The following LRP11 variants were observed in gnomAD, a reference collection of about 807,000 sequenced individuals.
LRP11 encodes low-density lipoprotein receptor-related protein 11.
A neutral mutation model predicts 43.1 loss-of-function variants in LRP11; 25 were observed. That is an observed-to-expected ratio of 0.58 (90% CI 0.42 to 0.81). The LOEUF is 0.81. Among genes scored for constraint, LRP11 ranks in the 30% least tolerant of loss-of-function variants. The probability of loss-of-function intolerance (pLI) is 0.00; values close to 1 mark genes in which losing one functional copy is unlikely to be tolerated. For synonymous variants in LRP11, 316 were observed against 299.4 expected, an observed-to-expected ratio of 1.06 and a Z score of -0.57; for missense variants, 623 against 665.1, an observed-to-expected ratio of 0.94 and a Z score of 0.70.
At chr6:149,854,090 G>A (rs1216853051) in intron 1 of LRP11, among the ~76,000 whole-genome samples, 2 of 152,104 alleles carry the variant, frequency 1.3e-5, no homozygotes, top group Admixed American at 6.5e-5. Flanking sequence ...AGGCTCAGAT[G>A]ACTACAACAG....
At position 149,820,605 on chromosome 6, in the gene LRP11, C is replaced by CT. The variant is rs1776265590; in HGVS notation, c.1446dup (p.Ala483SerfsTer7). On this transcript the variant is annotated frameshift_variant, in exon 7 of 7. Transcript: ENST00000239367. LOFTEE classifies it high-confidence loss of function. ...GATTCCTCAGATGTAATGGGACGAG[C>CT]TTTTTTCAGTTTCTGTTTCACCAGT... 1.3e-6 allele frequency: 1 copy of CT among 780,850 alleles called. No homozygotes were observed. Among genetic ancestry groups the CT allele is most frequent in the Non-Finnish European group, 2.4e-6 (1 of 418,120 alleles). The allele number at this position is 780,850 out of a possible 1,614,324, so 48.4% of individuals were successfully genotyped here. A position where few individuals can be genotyped will look rare whatever the true frequency, so the allele number is the denominator to read the frequency against.
intron 2 of LRP11, among the ~76,000 whole-genome samples, chr6:149,843,409 TC>T (rs1283434771): frequency 6.6e-6 from 1 of 152,132 alleles, no homozygotes; most frequent in East Asian, 1.9e-4. Flanking sequence ...ACGCTCAGGA[TC>T]CAGGCCCTGC....
chr6:149,862,944 A>T (rs9371504), intron 1 of LRP11, among the ~76,000 whole-genome samples: 68,247 of 151,822 alleles, frequency 0.45, 16,047 homozygotes, highest in East Asian at 0.88. Context: ...AAGGGACCAG[A>T]AGTTTTCCTC....
chr6:149,860,257 G>A (rs1461297018), intron 1 of LRP11, among the ~76,000 whole-genome samples: 1 of 152,030 alleles, frequency 6.6e-6, no homozygotes, highest in Non-Finnish European at 1.5e-5. Flanking sequence ...AAGGCAAGGG[G>A]CCCACTTCCC....
intron 2 of LRP11, among the ~76,000 whole-genome samples, chr6:149,849,507 A>T (rs949679288): frequency 6.6e-6 from 1 of 152,176 alleles, no homozygotes; most frequent in Non-Finnish European, 1.5e-5. Context: ...CTGTAATTTC[A>T]ACACTTTGGG....
chr6:149,838,746 TA>T (rs1387257720), intron 3 of LRP11, among the ~76,000 whole-genome samples: 4 of 152,056 alleles, frequency 2.6e-5, no homozygotes, highest in Admixed American at 2.6e-4. Flanking sequence ...TAGGAGCTTT[TA>T]ATTTGCAGTG....
rs1455997231 is a variant in LRP11, at chr6:149,863,955, C to T, written c.66G>A (p.Leu22=). The T allele has an allele frequency of 4.2e-6, 6 of 1,437,562 alleles. No individual in the cohort carries two copies. The highest frequency in any genetic ancestry group is 5.4e-6 in the Non-Finnish European group (6 of 1,101,958). The allele number at this position is 1,437,562 out of a possible 1,614,324, so 89.1% of individuals were successfully genotyped here. The change falls in exon 1 of 7, where the codon CTG becomes CTA. Residue 22 remains leucine, a synonymous_variant. Coordinates refer to ENST00000239367, the MANE Select transcript of LRP11 (RefSeq NM_032832.6). The part of the protein sequence containing the change: ...QRRLPPRHGA[L]RGLLLLCLWL... ...ACAGGCAGAGCAGTAGCAGCCCGCG[C>T]AGCGCCCCGTGACGCGGCGGTAGCC...
chr6:149,826,645 T>C (rs1776343195), intron 5 of LRP11, among the ~76,000 whole-genome samples: 2 of 151,972 alleles, frequency 1.3e-5, no homozygotes, highest in Admixed American at 6.6e-5. Context: ...GATCTCAGGC[T>C]AGAAGAGTCA....
chr6:149,863,448 G>C lies in LRP11; in HGVS notation c.573C>G (p.Asp191Glu). 1.2e-5 allele frequency: 16 copies of C among 1,323,608 alleles called. No individual in the cohort carries two copies. Among genetic ancestry groups the C allele is most frequent in the South Asian group, 2.2e-5 (1 of 45,904 alleles). The allele number at this position is 1,323,608 out of a possible 1,614,324, so 82.0% of individuals were successfully genotyped here. A position where few individuals can be genotyped will look rare whatever the true frequency, so the allele number is the denominator to read the frequency against. ...YSSYSLSRAPDGAALATARAS... is the reference protein window; with the variant it reads ...YSSYSLSRAPEGAALATARAS... ...CGCGCGCGGTGGCCAGGGCGGCGCC[G>C]TCCGGCGCGCGGCTGAGGCTGTAGC... Residue 191 changes from aspartate (D) to glutamate (E), a missense_variant, in exon 1 of 7, where the codon GAC becomes GAG. By Grantham distance (45) the Asp-to-Glu change is conservative. Coordinates refer to ENST00000239367, the MANE Select transcript of LRP11 (RefSeq NM_032832.6).
chr6:149,845,750 C>T (rs967309404), intron 2 of LRP11, among the ~76,000 whole-genome samples: 6 of 150,866 alleles, frequency 4.0e-5, no homozygotes, highest in Non-Finnish European at 8.9e-5. Flanking sequence ...TCAGATAAGA[C>T]TTGGGGCTCA....
At position 149,826,343 on chromosome 6, in the gene LRP11, C is replaced by T; in HGVS notation, c.1269G>A (p.Gly423=). Residue 423 remains glycine (G), a synonymous_variant, in exon 6 of 7, where the codon GGG becomes GGA. Coordinates refer to ENST00000239367, the MANE Select transcript of LRP11 (RefSeq NM_032832.6). ...TATAACTTTCCTCTTTTCTGTTCTT[C>T]CCTGAGGAACTACTATCTGCAGAAA... ...IPVMPDSSSS[G]KNRKEESYIF... 6.2e-7 allele frequency: 1 copy of T among 1,612,430 alleles called. No individual in the cohort carries two copies. The highest frequency in any genetic ancestry group is 8.5e-7 in the Non-Finnish European group (1 of 1,178,466).
In LRP11 at chr6:149,832,277, C is replaced by T. The variant is rs374138093; in HGVS notation, c.1252+3808G>A. On this transcript the variant is annotated intron_variant, in intron 5 of 6. Coordinates refer to ENST00000239367, the MANE Select transcript of LRP11 (RefSeq NM_032832.6). Reference sequence around the variant, plus strand: ...CGCAATCTTGGCTCACTGCAACCTCCGCCTCCTGGGTTCAAGTGATTCTCC... The same window carrying T: ...CGCAATCTTGGCTCACTGCAACCTCTGCCTCCTGGGTTCAAGTGATTCTCC... Among the ~76,000 whole-genome samples, 170 of 150,082 alleles carry T rather than the reference C, an allele frequency of 1.1e-3. 1 individual carries two copies. In the South Asian group the frequency reaches 0.034, roughly 30 times the overall value.
At chr6:149,833,140 T>C (rs1218107058) in intron 5 of LRP11, among the ~76,000 whole-genome samples, 1 of 152,160 alleles carries the variant, frequency 6.6e-6, no homozygotes, top group Non-Finnish European at 1.5e-5. Context: ...GGTTTCACCG[T>C]GTTAGCCAGG....
rs1419865807 is a variant in LRP11 at position 149,863,612 on chromosome 6, C to G, written c.409G>C (p.Glu137Gln). ...ACCACGGCCACGGAGCAGCGCGGCTCGGAGCAGCAGGCCGCCACGCATTGC... is the reference window on the plus strand; with the variant it reads ...ACCACGGCCACGGAGCAGCGCGGCTGGGAGCAGCAGGCCGCCACGCATTGC... ...WRQCVAACCSEPRCSVAVVEL... is the reference protein window; with the variant it reads ...WRQCVAACCSQPRCSVAVVEL... The change falls in exon 1 of 7, where the codon GAG (glutamate) becomes CAG (glutamine). Residue 137 changes from glutamate to glutamine, a missense_variant. Coordinates refer to ENST00000239367, the MANE Select transcript of LRP11 (RefSeq NM_032832.6). 4.3e-5 allele frequency: 63 copies of G among 1,458,916 alleles called. No individual in the cohort carries two copies. The highest frequency in any genetic ancestry group is 7.5e-5 in the Admixed American group (3 of 39,950). The allele number at this position is 1,458,916 out of a possible 1,614,324, so 90.4% of individuals were successfully genotyped here.
chr6:149,825,657 ATT>A (rs3036632), intron 6 of LRP11, among the ~76,000 whole-genome samples: 70,848 of 141,306 alleles, frequency 0.5, 19,272 homozygotes, highest in East Asian at 0.82. Flanking sequence ...GTAAGTGAGA[ATT>A]TTTTTTTTTT....
intron 6 of LRP11, among the ~76,000 whole-genome samples, chr6:149,825,749 A>G (rs940332173): frequency 6.7e-6 from 1 of 150,176 alleles, no homozygotes; most frequent in African/African-American, 2.5e-5. Context: ...TCGACCTCCC[A>G]GGCTCAAGTG....
Position 149,853,105 on chromosome 6 carries a change from G to T in LRP11, c.669C>A (p.Pro223=). The change falls in exon 2 of 7, where the codon CCC becomes CCA. Residue 223 remains proline, a synonymous_variant. Transcript: ENST00000239367. ...KAGQDVVLHL[P]TDGVVLDGRE... Reference sequence around the variant, plus strand: ...GGCCGTCTAGAACCACCCCGTCTGTGGGCAGATGCAGAACCACATCCTGCC... The same window carrying T: ...GGCCGTCTAGAACCACCCCGTCTGTTGGCAGATGCAGAACCACATCCTGCC... The T allele has an allele frequency of 6.2e-7, 1 of 1,612,232 alleles. No homozygotes were observed. Among genetic ancestry groups the T allele is most frequent in the South Asian group, 1.1e-5 (1 of 90,814 alleles).
At chr6:149,859,397 T>TATATATATATATATATATATATA (rs1491456220) in intron 1 of LRP11, among the ~76,000 whole-genome samples, 63 of 72,836 alleles carry the variant, frequency 8.6e-4, no homozygotes, top group East Asian at 2.2e-3. Flanking sequence ...TATATATATA[T>TATATATATATATATATATATATA]TTTTTTTTTT....
intron 6 of LRP11, among the ~76,000 whole-genome samples, chr6:149,824,886 G>C (rs1776319846): frequency 6.6e-6 from 1 of 152,006 alleles, no homozygotes; most frequent in South Asian, 2.1e-4. Flanking sequence ...ACAAAAATAT[G>C]TAACAACCAG....
Sources: allele counts gnomAD v4.1 joint callset (sites outside exome capture counted in the v4.1 genomes callset), GRCh38; gene constraint gnomAD v4.1.1; transcripts MANE v1.5; gene names NCBI Gene and HGNC (gene_info 2026-07-23, HGNC 2026-07-21).